Variants in THAP10 observed in about 807,000 individuals in gnomAD.
THAP10 encodes the protein THAP domain-containing protein 10.
A neutral mutation model predicts 15.7 loss-of-function variants in THAP10; 10 were observed. The observed-to-expected ratio is 0.64, with a 90% CI of 0.39 to 1.08. THAP10 has a LOEUF of 1.08. Ranked by LOEUF, THAP10 falls within the 50% of genes least tolerant of loss-of-function variation. THAP10 has a pLI of 0.01. For missense variants in THAP10, 310 were observed against 330.9 expected, an observed-to-expected ratio of 0.94 and a Z score of 0.49; for synonymous variants, 127 against 129.1, an observed-to-expected ratio of 0.98 and a Z score of 0.11.
chr15:70,886,466 A>C (rs894536984), intron 1 of THAP10, among the ~76,000 whole-genome samples: 4 of 152,226 alleles, frequency 2.6e-5, no homozygotes, highest in African/African-American at 9.6e-5. Context: ...AGCAGTGGAC[A>C]AAATTTTAAA....
chr15:70,891,718 C>T (rs1317967939), intron 1 of THAP10, 126 bp downstream of exon 1: 9 of 841,952 alleles, frequency 1.1e-5, no homozygotes, highest in Non-Finnish European at 1.6e-5. Context: ...TAAAGCACAC[C>T]CCTAACTTTG....
chr15:70,884,305 G>A (rs2033345804), intron 1 of THAP10, among the ~76,000 whole-genome samples: 1 of 152,046 alleles, frequency 6.6e-6, no homozygotes, highest in Non-Finnish European at 1.5e-5. Flanking sequence ...GGCTGAGGCA[G>A]GAAGATCACT....
rs1234542089 is a variant in THAP10, at chr15:70,891,916, C to T, written c.357G>A (p.Arg119=). The T allele has an allele frequency of 2.5e-6, 4 of 1,613,580 alleles. No individual in the cohort carries two copies. The highest frequency in any genetic ancestry group is 2.5e-6 in the Non-Finnish European group (3 of 1,179,952). The part of the protein sequence containing the change: ...LDTRGELQAA[R]HSEAAPGPVS... ...CTGGACCTGGGGCAGCCTCAGAATG[C>T]CTGGCTGCCTGGAGCTCTCCTCGCG... Residue 119 remains arginine, a synonymous_variant, in exon 1 of 3, where the codon AGG becomes AGA. Transcript: ENST00000249861.
intron 1 of THAP10, among the ~76,000 whole-genome samples, chr15:70,884,584 G>C (rs1013232938): frequency 6.6e-6 from 1 of 151,596 alleles, no homozygotes; most frequent in Non-Finnish European, 1.5e-5. Flanking sequence ...AAATTCCTGT[G>C]AAGAGTCCCT....
chr15:70,882,702 A>G lies in THAP10; in HGVS notation c.578-52T>C, dbSNP rs79102621. 6,065 of 1,612,156 alleles carry G rather than the reference A, an allele frequency of 3.8e-3. 171 individuals carry two copies. In the East Asian group the frequency reaches 0.067, roughly 18 times the overall value. Reference sequence around the variant, plus strand: ...ATGAGTTAGACTTTGCTTTTCATATATCTTTAATATACGAAAGATCAATTC... The same window carrying G: ...ATGAGTTAGACTTTGCTTTTCATATGTCTTTAATATACGAAAGATCAATTC... On this transcript the variant is annotated intron_variant, in intron 2 of 2. Coordinates refer to ENST00000249861, the MANE Select transcript of THAP10 (RefSeq NM_020147.4).
At position 70,892,139 on chromosome 15, in the gene THAP10, T is replaced by C. The variant is rs2033603665; in HGVS notation, c.134A>G (p.Tyr45Cys). 1 of 1,613,608 alleles carries C rather than the reference T, an allele frequency of 6.2e-7. No homozygotes were observed. The change falls in exon 1 of 3, where the codon TAC becomes TGC. Residue 45 changes from tyrosine (Y) to cysteine (C), a missense_variant. Physicochemically the swap from Tyr to Cys is radical, Grantham distance 194. Coordinates refer to ENST00000249861, the MANE Select transcript of THAP10 (RefSeq NM_020147.4). Reference protein sequence around the residue: ...RFVRGCRADWYGGNDRSVICS... With the variant: ...RFVRGCRADWCGGNDRSVICS... ...GATGACCGAGCGGTCATTGCCTCCG[T>C]ACCAGTCGGCGCGGCAACCCCGCAC...
intron 1 of THAP10, among the ~76,000 whole-genome samples, chr15:70,888,152 C>T (rs2033458967): frequency 1.3e-5 from 2 of 152,066 alleles, no homozygotes; most frequent in African/African-American, 2.4e-5. Flanking sequence ...TCAAAATCCT[C>T]GTGAGTAACT....
At position 70,882,199 on chromosome 15, in the gene THAP10, GCTT is replaced by G; in HGVS notation, c.*252_*254del. ...GAAGTGTTGCTGATATTGTGGTTTT[GCTT>G]TGTAACCTGATTTCTACCAAAAGGA... On this transcript the variant is annotated 3_prime_UTR_variant, in exon 3 of 3. Transcript: ENST00000249861. 2.8e-6 allele frequency: 1 copy of G among 356,140 alleles called. No homozygotes were observed. Among genetic ancestry groups the G allele is most frequent in the South Asian group, 7.1e-5 (1 of 13,988 alleles). The allele number at this position is 356,140 out of a possible 1,614,324, so 22.1% of individuals were successfully genotyped here.
In THAP10 at chr15:70,891,974, C is replaced by T. The variant is rs945116988; in HGVS notation, c.299G>A (p.Gly100Glu). 3.1e-6 allele frequency: 5 copies of T among 1,613,562 alleles called. No individual in the cohort carries two copies. The highest frequency in any genetic ancestry group is 4.2e-6 in the Non-Finnish European group (5 of 1,179,810). ...GCGGCCTGCTTGGTCTCCCTCCTCT[C>T]CCCTCTTAGGTGCCGGGGCGGGCAC... Reference protein sequence around the residue: ...HRVPAPAPKRGEEGDQAGRLD... With the variant: ...HRVPAPAPKREEEGDQAGRLD... Residue 100 changes from glycine (G) to glutamate (E), a missense_variant, in exon 1 of 3, where the codon GGA becomes GAA. Transcript: ENST00000249861.
intron 1 of THAP10, among the ~76,000 whole-genome samples, chr15:70,889,299 G>A (rs1228174750): frequency 2.0e-5 from 3 of 152,036 alleles, no homozygotes; most frequent in Non-Finnish European, 2.9e-5. Context: ...AAAATGTAAT[G>A]TTGAACAAAA....
At position 70,892,168 on chromosome 15, in the gene THAP10, G is replaced by C. The variant is rs375242311; in HGVS notation, c.105C>G (p.Arg35=). The C allele has an allele frequency of 1.2e-5, 19 of 1,611,994 alleles. No individual in the cohort carries two copies. Among genetic ancestry groups the C allele is most frequent in the Middle Eastern group, 1.6e-4 (1 of 6,078 alleles). ...AGTCGGCGCGGCAACCCCGCACGAA[G>C]CGGTCCCAGAGCAGCCGCACGGCCC... The part of the protein sequence containing the change: ...KDRAVRLLWD[R]FVRGCRADWY... Residue 35 remains arginine (R), a synonymous_variant, in exon 1 of 3, where the codon CGC becomes CGG. Transcript: ENST00000249861.
intron 1 of THAP10, 41 bp downstream of exon 1, chr15:70,891,803 G>C (rs771278690): frequency 4.7e-6 from 7 of 1,485,882 alleles, no homozygotes; most frequent in Non-Finnish European, 6.2e-6. Context: ...CCCAGCCAGA[G>C]TCCAGGGGTC....
intron 1 of THAP10, among the ~76,000 whole-genome samples, chr15:70,891,119 G>A (rs141399192): frequency 6.6e-6 from 1 of 152,300 alleles, no homozygotes; most frequent in Non-Finnish European, 1.5e-5. Context: ...CTGTGTAATG[G>A]TGGCAAGGCT....
In THAP10 at chr15:70,887,714, G is replaced by A. The variant is rs75937901; in HGVS notation, c.429+4130C>T. Reference sequence around the variant, plus strand: ...GAAAAGGATTCCCCTCACCTCTTCTGTTCCCACACTGTACTGGACATTCAA... The same window carrying A: ...GAAAAGGATTCCCCTCACCTCTTCTATTCCCACACTGTACTGGACATTCAA... On this transcript the variant is annotated intron_variant, in intron 1 of 2. Transcript: ENST00000249861. Among the ~76,000 whole-genome samples, 977 of 152,224 alleles carry A rather than the reference G, an allele frequency of 6.4e-3. 14 individuals are homozygous for A. The highest frequency in any genetic ancestry group is 0.021 in the African/African-American group (883 of 41,536).
intron 1 of THAP10, among the ~76,000 whole-genome samples, chr15:70,889,534 C>T (rs2033498758): frequency 6.6e-6 from 1 of 152,110 alleles, no homozygotes; most frequent in Non-Finnish European, 1.5e-5. Flanking sequence ...GATTTGTTCA[C>T]TTTTCTGTGT....
Position 70,882,595 on chromosome 15 carries a change from C to CTT in THAP10, c.632_633insAA (p.Thr212ArgfsTer42), listed in dbSNP as rs766635598. ...AAGTTCTAGACCACAATTCCTCTGT[C>CTT]TGAGTAGTTGCATTACACAGTCTTT... On this transcript the variant is annotated frameshift_variant, in exon 3 of 3. Coordinates refer to ENST00000249861, the MANE Select transcript of THAP10 (RefSeq NM_020147.4). LOFTEE classifies it low-confidence loss of function (END_TRUNC). 3 of 1,614,048 alleles carry CTT rather than the reference C, an allele frequency of 1.9e-6. No individual in the cohort carries two copies. The highest frequency in any genetic ancestry group is 2.5e-6 in the Non-Finnish European group (3 of 1,179,968).
chr15:70,891,590 T>C (rs1473676008), intron 1 of THAP10, among the ~76,000 whole-genome samples: 1 of 149,604 alleles, frequency 6.7e-6, no homozygotes, highest in African/African-American at 2.5e-5. Context: ...TGTGTGTGTG[T>C]GTGTGTGTGT....
At chr15:70,883,026 G>C in intron 1 of THAP10, 118 bp from the exon 2 acceptor site, 2 of 944,308 alleles carry the variant, frequency 2.1e-6, no homozygotes, top group South Asian at 1.8e-5. Context: ...TATTAGTAAG[G>C]CTGATATTTG....
rs1000419796 is a variant in THAP10 at position 70,882,123 on chromosome 15, G to A, written c.*331C>T. 9.8e-6 allele frequency: 2 copies of A among 203,990 alleles called. No individual in the cohort carries two copies. The highest frequency in any genetic ancestry group is 2.0e-5 in the Non-Finnish European group (2 of 101,300). The allele number at this position is 203,990 out of a possible 1,614,324, so 12.6% of individuals were successfully genotyped here. The stretch of plus-strand genomic sequence containing the variant: ...AGCAAATGTCAAGTCCTGTAGGAGC[G>A]TTGCTTCTGAACTAAGCTTAAACAA... On this transcript the variant is annotated 3_prime_UTR_variant, in exon 3 of 3. Transcript: ENST00000249861.
Sources: gnomAD v4.1 joint callset for allele counts (sites outside exome capture counted in the v4.1 genomes callset) on GRCh38, gnomAD v4.1.1 for gene constraint, MANE v1.5 for transcripts, NCBI Gene and HGNC (gene_info 2026-07-23, HGNC 2026-07-21) for gene names.